Variants in BICC1 observed in about 807,000 individuals in gnomAD.
BICC1 encodes the protein BicC family RNA binding protein 1.
BICC1 carries 43 observed loss-of-function variants against 111.0 expected under a neutral mutation model. That is an observed-to-expected ratio of 0.39 (90% CI 0.30 to 0.50). The LOEUF (loss-of-function observed/expected upper bound fraction) is 0.50, where lower values mean the gene tolerates loss of function less well. BICC1 is among the 20% of genes least tolerant of loss of function. The probability of loss-of-function intolerance (pLI) is 0.88; values close to 1 mark genes in which losing one functional copy is unlikely to be tolerated. For synonymous variants in BICC1, 467 were observed against 434.4 expected, an observed-to-expected ratio of 1.07 and a Z score of -0.93; for missense variants, 1,091 against 1,203.2, an observed-to-expected ratio of 0.91 and a Z score of 1.38.
chr10:58,582,073 A>G (rs760444176), intron 1 of BICC1, among the ~76,000 whole-genome samples: 4 of 152,076 alleles, frequency 2.6e-5, no homozygotes, highest in Non-Finnish European at 4.4e-5. Flanking sequence ...TTAGCTTTCA[A>G]TTTTTGAAGA....
chr10:58,730,429 G>A (rs530893073), intron 3 of BICC1, among the ~76,000 whole-genome samples: 37 of 152,204 alleles, frequency 2.4e-4, no homozygotes, highest in Admixed American at 5.2e-4. Flanking sequence ...CTTTTCCAGT[G>A]CAGGGTGCAA....
At chr10:58,527,914 C>T (rs950753412) in intron 1 of BICC1, among the ~76,000 whole-genome samples, 1 of 151,928 alleles carries the variant, frequency 6.6e-6, no homozygotes, top group Non-Finnish European at 1.5e-5. Context: ...TATGCTTTCT[C>T]AGTTTCTCCC....
chr10:58,712,895 C>T (rs984293248), intron 3 of BICC1, among the ~76,000 whole-genome samples: 2 of 152,118 alleles, frequency 1.3e-5, no homozygotes, highest in African/African-American at 4.8e-5. Flanking sequence ...ATTCTCTGTA[C>T]TTTCCACTTG....
chr10:58,616,540 T>C (rs1039429780), intron 1 of BICC1, among the ~76,000 whole-genome samples: 8 of 152,142 alleles, frequency 5.3e-5, no homozygotes, highest in African/African-American at 1.9e-4. Flanking sequence ...GAGGTTCGAC[T>C]TAGGGGAACA....
chr10:58,641,455 TCTTTTTTTTCTTTC>T (rs1275974360), intron 2 of BICC1, among the ~76,000 whole-genome samples: 1 of 152,020 alleles, frequency 6.6e-6, no homozygotes, highest in Non-Finnish European at 1.5e-5. Context: ...TAGGTTGACT[TCTTTTTTTTCTTTC>T]CTTTTTTTTT....
intron 18 of BICC1, chr10:58,814,235 T>C: frequency 1.6e-6 from 1 of 615,024 alleles, no homozygotes; most frequent in Non-Finnish European, 2.9e-6. Flanking sequence ...TTTATCTACC[T>C]ATCTGTATCT....
intron 1 of BICC1, among the ~76,000 whole-genome samples, chr10:58,547,632 A>G (rs996290777): frequency 1.3e-5 from 2 of 152,192 alleles, no homozygotes; most frequent in South Asian, 2.1e-4. Context: ...ATTCTTCTGC[A>G]TAAGAGATTG....
chr10:58,586,280 G>T (rs1844423602), intron 1 of BICC1, among the ~76,000 whole-genome samples: 1 of 152,174 alleles, frequency 6.6e-6, no homozygotes, highest in South Asian at 2.1e-4. Flanking sequence ...TTGAGGGATT[G>T]GTGGGTCAAA....
chr10:58,761,719 C>T (rs1842322034), intron 3 of BICC1, among the ~76,000 whole-genome samples: 1 of 152,080 alleles, frequency 6.6e-6, no homozygotes, highest in South Asian at 2.1e-4. Context: ...AATTGGGCTC[C>T]TCTCCTGGAG....
intron 1 of BICC1, among the ~76,000 whole-genome samples, chr10:58,530,601 G>A (rs1156626235): frequency 6.7e-6 from 1 of 150,054 alleles, no homozygotes; most frequent in Non-Finnish European, 1.5e-5. Context: ...ACTGTTTACT[G>A]TAGCCTCGCT....
At chr10:58,743,026 T>C (rs1388847185) in intron 3 of BICC1, among the ~76,000 whole-genome samples, 2 of 152,162 alleles carry the variant, frequency 1.3e-5, no homozygotes, top group African/African-American at 4.8e-5. Flanking sequence ...TTAATGTAAA[T>C]TCATAAGTCA....
At chr10:58,811,868 G>A (rs561988569) in intron 17 of BICC1, among the ~76,000 whole-genome samples, 1 of 152,114 alleles carries the variant, frequency 6.6e-6, no homozygotes, top group African/African-American at 2.4e-5. Context: ...TAGGCCAAGG[G>A]AACAACTGGC....
Position 58,518,595 on chromosome 10 carries a change from G to GTT in BICC1, c.190+5262_190+5263insTT, listed in dbSNP as rs984347087. 8.7e-3 allele frequency among the ~76,000 whole-genome samples: 1,200 copies of GTT among 137,988 alleles called. 66 individuals carry two copies. The highest frequency in any genetic ancestry group is 0.031 in the African/African-American group (1,142 of 37,080). The allele number at this position is 137,988 out of a possible 152,430, so 90.5% of individuals were successfully genotyped here. A position where few individuals can be genotyped will look rare whatever the true frequency, so the allele number is the denominator to read the frequency against. The stretch of plus-strand genomic sequence containing the variant: ...TCCTTTGTGTATGTGTGTGTTGGGG[G>GTT]GGGGGGGGTGTGTTTGATGTGTTTT... On this transcript the variant is annotated intron_variant, in intron 1 of 20. Coordinates refer to ENST00000373886, the MANE Select transcript of BICC1 (RefSeq NM_001080512.3).
chr10:58,648,637 G>A lies in BICC1; in HGVS notation c.237+27736G>A, dbSNP rs184766423. The A allele has an allele frequency of 1.5e-4, 152 of 985,044 alleles. 4 individuals carry two copies. In the Admixed American group the frequency reaches 7.5e-3, roughly 49 times the overall value. The allele number at this position is 985,044 out of a possible 1,614,324, so 61.0% of individuals were successfully genotyped here. A position where few individuals can be genotyped will look rare whatever the true frequency, so the allele number is the denominator to read the frequency against. On this transcript the variant is annotated intron_variant, in intron 2 of 20. Coordinates refer to ENST00000373886, the MANE Select transcript of BICC1 (RefSeq NM_001080512.3). ...TCTCTCTTACAGAGACACACACAGA[G>A]GATCTCATATCTTTAGGCATCAGAA...
intron 14 of BICC1, among the ~76,000 whole-genome samples, chr10:58,801,345 T>G (rs1843541222): frequency 6.6e-6 from 1 of 152,142 alleles, no homozygotes; most frequent in African/African-American, 2.4e-5. Context: ...GCAGGGCCAT[T>G]TTTATTCTCT....
At chr10:58,677,565 C>T (rs1432121449) in intron 2 of BICC1, among the ~76,000 whole-genome samples, 4 of 152,166 alleles carry the variant, frequency 2.6e-5, no homozygotes, top group South Asian at 2.1e-4. Context: ...ACCAAACCTA[C>T]GTTTGATTGG....
intron 2 of BICC1, among the ~76,000 whole-genome samples, chr10:58,667,824 A>G (rs1299487141): frequency 6.6e-6 from 1 of 152,076 alleles, no homozygotes; most frequent in Admixed American, 6.6e-5. Context: ...GGACTGGAGG[A>G]TGCTCCTAAC....
chr10:58,718,705 A>G (rs938909658), intron 3 of BICC1, among the ~76,000 whole-genome samples: 1 of 152,022 alleles, frequency 6.6e-6, no homozygotes, highest in African/African-American at 2.4e-5. Flanking sequence ...AAAATAAATT[A>G]TCTAAAGACT....
intron 3 of BICC1, among the ~76,000 whole-genome samples, chr10:58,778,368 A>G (rs1412791095): frequency 6.6e-6 from 1 of 152,154 alleles, no homozygotes; most frequent in East Asian, 1.9e-4. Flanking sequence ...GACTCCCCAA[A>G]AACTTTATTA....
Sources: gnomAD v4.1 joint callset for allele counts (sites outside exome capture counted in the v4.1 genomes callset) on GRCh38, gnomAD v4.1.1 for gene constraint, MANE v1.5 for transcripts, NCBI Gene and HGNC (gene_info 2026-07-23, HGNC 2026-07-21) for gene names.